SLFN13: variants seen among roughly 807,000 people sequenced by gnomAD.
SLFN13 encodes schlafen family member 13.
SLFN13 carries 43 observed loss-of-function variants against 50.6 expected under a neutral mutation model. That is an observed-to-expected ratio of 0.85 (90% confidence interval 0.67 to 1.09). The LOEUF (loss-of-function observed/expected upper bound fraction) is 1.09. SLFN13 is among the 50% of genes least tolerant of loss of function. The pLI is 0.00. For missense variants in SLFN13, 881 were observed against 1,071.1 expected, an observed-to-expected ratio of 0.82 and a Z score of 2.48; for synonymous variants, 339 against 386.5, an observed-to-expected ratio of 0.88 and a Z score of 1.44.
Position 35,439,318 on chromosome 17 carries a change from A to G in SLFN13, c.*1277T>C, listed in dbSNP as rs186934797. ...GAATTTAGGGGTGAGGATGGGACAC[A>G]AACATTCAGTCCATAACAATGGCCC... On this transcript the variant is annotated 3_prime_UTR_variant, in exon 6 of 6. Transcript: ENST00000285013. 25 of 152,276 alleles carry G rather than the reference A, an allele frequency of 1.6e-4. No individual in the cohort carries two copies. The highest frequency in any genetic ancestry group is 6.0e-4 in the African/African-American group (25 of 41,576). The allele number at this position is 152,276 out of a possible 1,614,324, so 9.4% of individuals were successfully genotyped here. A position where few individuals can be genotyped will look rare whatever the true frequency, so the allele number is the denominator to read the frequency against.
Position 35,441,258 on chromosome 17 carries a change from A to G in SLFN13, c.2031T>C (p.Asp677=). The G allele has an allele frequency of 1.9e-6, 3 of 1,614,062 alleles. No individual in the cohort carries two copies. Among genetic ancestry groups the G allele is most frequent in the Non-Finnish European group, 2.5e-6 (3 of 1,179,988 alleles). The change falls in exon 6 of 6, where the codon GAT becomes GAC. Residue 677 remains aspartate (D), a synonymous_variant. Coordinates refer to ENST00000285013, the MANE Select transcript of SLFN13 (RefSeq NM_144682.6). ...TTTTTGCCTTCCTATACCAGTCCCC[A>G]TCTTCAGTACGGAAATTCTGAGCTT... ...IDEAQNFRTE[D]GDWYRKAKTI... is the part of the protein sequence containing the mutation.
chr17:35,449,599 G>T (rs920333476), upstream of SLFN13, among the ~76,000 whole-genome samples: 6 of 152,218 alleles, frequency 3.9e-5, no homozygotes, highest in African/African-American at 1.4e-4. Context: ...CAGACCCCGC[G>T]CCAGAGTGGG....
chr17:35,443,801 G>A lies in SLFN13; in HGVS notation c.1186C>T (p.His396Tyr), dbSNP rs773265954. 8.1e-6 allele frequency: 13 copies of A among 1,610,232 alleles called. No individual in the cohort carries two copies. Among genetic ancestry groups the A allele is most frequent in the Non-Finnish European group, 1.0e-5 (12 of 1,177,096 alleles). Residue 396 changes from histidine to tyrosine, a missense_variant, in exon 4 of 6, where the codon CAT becomes TAT. This residue lies in a region of SLFN13 where 497 missense variants were observed against 518.3 expected (regional missense o/e 0.96). Coordinates refer to ENST00000285013, the MANE Select transcript of SLFN13 (RefSeq NM_144682.6). Reference sequence around the variant, plus strand: ...TGGCAGTCAGTACCTGGAAATAAATGTTGTTGTAGATCAGCTTTGTGTTCC... The same window carrying A: ...TGGCAGTCAGTACCTGGAAATAAATATTGTTGTAGATCAGCTTTGTGTTCC... ...GLEHKADLQQHLFPVPPGHLE... is the reference protein window; with the variant it reads ...GLEHKADLQQYLFPVPPGHLE...
In SLFN13 at chr17:35,441,207, A is replaced by C. The variant is rs1372576928; in HGVS notation, c.2082T>G (p.Cys694Trp). ...AKTITQREKD[C>W]PGVLWIFLDY... The stretch of plus-strand genomic sequence containing the variant: ...CCAGAAAGATCCAGAGAACTCCTGG[A>C]CAATCCTTTTCTCTCTGAGTGATGG... Residue 694 changes from cysteine (C) to tryptophan (W), a missense_variant, in exon 6 of 6, where the codon TGT becomes TGG. Physicochemically the swap from Cys to Trp is radical, Grantham distance 215. Around this residue, in one of 5 missense-constraint regions of SLFN13, gnomAD observed 322 missense variants for 327.4 expected, o/e 0.98. Coordinates refer to ENST00000285013, the MANE Select transcript of SLFN13 (RefSeq NM_144682.6). 1 of 1,614,098 alleles carries C rather than the reference A, an allele frequency of 6.2e-7. No homozygotes were observed. The highest frequency in any genetic ancestry group is 1.7e-5 in the Admixed American group (1 of 60,028).
At chr17:35,445,794 G>A in intron 2 of SLFN13, 101 bp from the exon 3 acceptor site, 1 of 986,522 alleles carries the variant, frequency 1.0e-6, no homozygotes, top group Non-Finnish European at 1.4e-6. Flanking sequence ...AATATGTGCT[G>A]GGATAAGACA....
chr17:35,441,855 T>C lies in SLFN13; in HGVS notation c.1630A>G (p.Thr544Ala). The C allele has an allele frequency of 6.5e-7, 1 of 1,544,668 alleles. No individual in the cohort carries two copies. The highest frequency in any genetic ancestry group is 8.7e-7 in the Non-Finnish European group (1 of 1,143,458). The change falls in exon 5 of 6, where the codon ACC becomes GCC. Residue 544 changes from threonine (T) to alanine (A), a missense_variant. By Grantham distance (58) the Thr-to-Ala change is moderately conservative. Coordinates refer to ENST00000285013, the MANE Select transcript of SLFN13 (RefSeq NM_144682.6). ...TGCAGCAGGGCTTCCATGTGCTGGG[T>C]GCCTGCAAGGCTATAGGACGCAGGG... ...DYPASYSLAGTQHMEALLQSL... is the reference protein window; with the variant it reads ...DYPASYSLAGAQHMEALLQSL...
Position 35,440,786 on chromosome 17 carries a change from C to G in SLFN13, c.2503G>C (p.Val835Leu), listed in dbSNP as rs777516314. The change falls in exon 6 of 6, where the codon GTG (valine) becomes CTG (leucine). Residue 835 changes from valine to leucine, a missense_variant. Val to Leu is a conservative substitution (Grantham distance 32, BLOSUM62 1). Coordinates refer to ENST00000285013, the MANE Select transcript of SLFN13 (RefSeq NM_144682.6). Reference protein sequence around the residue: ...KLLKAMRKKMVVQLSDACDML... With the variant: ...KLLKAMRKKMLVQLSDACDML... The stretch of plus-strand genomic sequence containing the variant: ...TCACATGCATCACTGAGCTGCACCA[C>G]CATTTTCTTCCTCATTGCTTTCAAG... The G allele has an allele frequency of 2.5e-6, 4 of 1,613,958 alleles. No homozygotes were observed. The East Asian group carries it at 6.7e-5, about 27-fold the overall frequency.
At chr17:35,444,543 G>T in intron 3 of SLFN13, 72 bp downstream of exon 3, 1 of 1,345,676 alleles carries the variant, frequency 7.4e-7, no homozygotes, top group Non-Finnish European at 1.0e-6. Flanking sequence ...GTCAAGCTTA[G>T]AGAATAAAGA....
At position 35,437,972 on chromosome 17, in the gene SLFN13, T is replaced by A. The variant is rs1912687311; in HGVS notation, c.*2623A>T. ...CAAAACCCAATTAAGCCTGACACAG[T>A]GGCTCATGCCTATAATCCCAGCAAT... On this transcript the variant is annotated 3_prime_UTR_variant, in exon 6 of 6. Transcript: ENST00000285013. 1 of 152,176 alleles carries A rather than the reference T, an allele frequency of 6.6e-6. No homozygotes were observed. Among genetic ancestry groups the A allele is most frequent in the Admixed American group, 6.5e-5 (1 of 15,282 alleles). The allele number at this position is 152,176 out of a possible 1,614,324, so 9.4% of individuals were successfully genotyped here.
In SLFN13 at chr17:35,440,159, A is replaced by G; in HGVS notation, c.*436T>C. 5.9e-6 allele frequency: 1 copy of G among 170,176 alleles called. No homozygotes were observed. The highest frequency in any genetic ancestry group is 1.3e-5 in the Non-Finnish European group (1 of 78,902). 10.5% of individuals were successfully genotyped at this position (170,176 alleles called of 1,614,324 possible). ...ATGGCCTGTAAGCTCCTAACAGACC[A>G]TGCTTCTGCAGAAAACAATTCTGGA... On this transcript the variant is annotated 3_prime_UTR_variant, in exon 6 of 6. Coordinates refer to ENST00000285013, the MANE Select transcript of SLFN13 (RefSeq NM_144682.6).
At position 35,440,826 on chromosome 17, in the gene SLFN13, C is replaced by A. The variant is rs1006332466; in HGVS notation, c.2463G>T (p.Gln821His). The A allele has an allele frequency of 1.9e-6, 3 of 1,614,136 alleles. No homozygotes were observed. In the East Asian group the frequency reaches 6.7e-5, roughly 36 times the overall value. Reference protein sequence around the residue: ...VLVSTVTEVEQYQSKLLKAMR... With the variant: ...VLVSTVTEVEHYQSKLLKAMR... ...TTGCTTTCAAGAGCTTAGACTGATACTGCTCCACTTCTGTCACGGTGCTGA... is the reference window on the plus strand; with the variant it reads ...TTGCTTTCAAGAGCTTAGACTGATAATGCTCCACTTCTGTCACGGTGCTGA... The change falls in exon 6 of 6, where the codon CAG becomes CAT. Residue 821 changes from glutamine to histidine, a missense_variant. Physicochemically the swap from Gln to His is conservative, Grantham distance 24 (BLOSUM62 0). Transcript: ENST00000285013.
In SLFN13 at chr17:35,439,387, A is replaced by T. The variant is rs925958231; in HGVS notation, c.*1208T>A. ...ATAGAAAAAAAAATCACAGTTCAAG[A>T]ATGACATAAAACTTAAGTAGTTATG... On this transcript the variant is annotated 3_prime_UTR_variant, in exon 6 of 6. Coordinates refer to ENST00000285013, the MANE Select transcript of SLFN13 (RefSeq NM_144682.6). 3 of 152,186 alleles carry T rather than the reference A, an allele frequency of 2.0e-5. No individual in the cohort carries two copies. The highest frequency in any genetic ancestry group is 7.2e-5 in the African/African-American group (3 of 41,468). 9.4% of individuals were successfully genotyped at this position (152,186 alleles called of 1,614,324 possible).
chr17:35,441,445 G>T lies in SLFN13; in HGVS notation c.1923-79C>A, dbSNP rs1461810045. On this transcript the variant is annotated intron_variant, in intron 5 of 5. Transcript: ENST00000285013. ...AAATGATTGTATCATGTTCCTCCGA[G>T]CACAGTATATTGCCACAGATCATTT... 17 of 1,580,342 alleles carry T rather than the reference G, an allele frequency of 1.1e-5. 1 individual carries two copies. The highest frequency in any genetic ancestry group is 1.5e-5 in the Non-Finnish European group (17 of 1,164,600).
Position 35,442,138 on chromosome 17 carries a change from C to T in SLFN13, c.1347G>A (p.Leu449=). The T allele has an allele frequency of 6.2e-7, 1 of 1,614,254 alleles. No individual in the cohort carries two copies. ...TGACTCCTGGCTTCTCCTGCAAGTTCAGGTCCACAGCCCAGCTTCTAGAGA... is the reference window on the plus strand; with the variant it reads ...TGACTCCTGGCTTCTCCTGCAAGTTTAGGTCCACAGCCCAGCTTCTAGAGA... ...VILSRSWAVD[L]NLQEKPGVIC... is the part of the protein sequence containing the mutation. The change falls in exon 5 of 6, where the codon CTG becomes CTA. Residue 449 remains leucine, a synonymous_variant. Transcript: ENST00000285013.
rs1468856754 is a variant in SLFN13 at position 35,440,637 on chromosome 17, A to T, written c.2652T>A (p.Cys884Ter). The T allele has an allele frequency of 6.2e-7, 1 of 1,614,050 alleles. No homozygotes were observed. Among genetic ancestry groups the T allele is most frequent in the Non-Finnish European group, 8.5e-7 (1 of 1,180,030 alleles). ...GGTGCTGTTTTGCCCTGGAAGCCAG[A>T]CAGATCAGAATATTGGGTAAGATAG... is the stretch of plus-strand genomic sequence containing the variant. ...DPAILPNILI[C>*]LASRAKQHLY... The change falls in exon 6 of 6, where the codon TGT becomes TGA. Residue 884 changes from cysteine (C) to a stop codon, truncating the protein, a stop_gained. Transcript: ENST00000285013. LOFTEE classifies it high-confidence loss of function.
At chr17:35,447,058 C>A (rs1231870532) in intron 2 of SLFN13, 1 of 152,142 alleles carries the variant, frequency 6.6e-6, no homozygotes, top group African/African-American at 2.4e-5. Context: ...ATTCAAATGG[C>A]AACCCCACCC....
rs1466621117 is a variant in SLFN13 at position 35,435,879 on chromosome 17, A to G, written c.*4716T>C. On this transcript the variant is annotated 3_prime_UTR_variant, in exon 6 of 6. Coordinates refer to ENST00000285013, the MANE Select transcript of SLFN13 (RefSeq NM_144682.6). Reference sequence around the variant, plus strand: ...TGGCCTGAAGGATCTTTCCTCCTTCAGCCTCCAGAAAGTCTGGGATTACAG... The same window carrying G: ...TGGCCTGAAGGATCTTTCCTCCTTCGGCCTCCAGAAAGTCTGGGATTACAG... The G allele has an allele frequency of 1.3e-5, 2 of 152,158 alleles. No homozygotes were observed. The highest frequency in any genetic ancestry group is 2.9e-5 in the Non-Finnish European group (2 of 67,998). The allele number at this position is 152,158 out of a possible 1,614,324, so 9.4% of individuals were successfully genotyped here.
Position 35,448,494 on chromosome 17 carries a change from G to A in SLFN13, c.-161+228C>T, listed in dbSNP as rs73275017. 7,914 of 152,338 alleles carry A rather than the reference G, an allele frequency of 0.052. 448 individuals carry two copies. The highest frequency in any genetic ancestry group is 0.17 in the East Asian group (896 of 5,172). The allele number at this position is 152,338 out of a possible 1,614,324, so 9.4% of individuals were successfully genotyped here. On this transcript the variant is annotated intron_variant, in intron 1 of 5. Transcript: ENST00000285013. ...CCCGCGCCGCGATCAAGTCCTCATA[G>A]CCTTTTAGGGAATTTGCTCAGCAAA...
rs1311698007 is a variant in SLFN13 at position 35,440,428 on chromosome 17, C to T, written c.*167G>A. ...TGCTGAAAAGAGTTGGGGGAGGAAC[C>T]CCTGAAAGGAGAGCCAGAAATGGGG... On this transcript the variant is annotated 3_prime_UTR_variant, in exon 6 of 6. Transcript: ENST00000285013. 1.3e-6 allele frequency: 1 copy of T among 781,368 alleles called. No homozygotes were observed. The highest frequency in any genetic ancestry group is 2.0e-6 in the Non-Finnish European group (1 of 496,234). The allele number at this position is 781,368 out of a possible 1,614,324, so 48.4% of individuals were successfully genotyped here.
Sources: allele counts gnomAD v4.1 joint callset (sites outside exome capture counted in the v4.1 genomes callset), GRCh38; gene constraint gnomAD v4.1.1; regional missense constraint gnomAD v4.1.1; transcripts MANE v1.5; gene names NCBI Gene and HGNC (gene_info 2026-07-23, HGNC 2026-07-21).